The following GSN variants were observed in gnomAD, a reference collection of about 807,000 sequenced individuals.
The protein encoded by GSN is actin-depolymerizing factor.
GSN carries 56 observed loss-of-function variants against 85.7 expected under a neutral mutation model. That is an observed-to-expected ratio of 0.65 (90% confidence interval 0.53 to 0.82). The LOEUF is 0.82. Ranked by LOEUF, GSN falls within the 40% of genes least tolerant of loss-of-function variation. The pLI, the probability that GSN is intolerant of heterozygous loss-of-function variation, is 0.00. For synonymous variants in GSN, 373 were observed against 399.1 expected, an observed-to-expected ratio of 0.93 and a Z score of 0.78; for missense variants, 857 against 979.8, an observed-to-expected ratio of 0.87 and a Z score of 1.67.
rs1368917811 is a variant in GSN at position 121,314,013 on chromosome 9, A to T, written c.743A>T (p.Lys248Met). The change falls in exon 7 of 18, where the codon AAG (lysine) becomes ATG (methionine). Residue 248 changes from lysine (K) to methionine (M), a missense_variant. By Grantham distance (95) the Lys-to-Met change is moderately conservative. Coordinates refer to ENST00000432226, the MANE Select transcript of GSN (RefSeq NM_198252.3). ...GATGCGGCCAACCGCAAGCTGGCCA[A>T]GCTCTACAAGGTGAGCACCAGATGC... Reference protein sequence around the residue: ...KEDAANRKLAKLYKVSNGAGT... With the variant: ...KEDAANRKLAMLYKVSNGAGT... The T allele has an allele frequency of 1.9e-6, 3 of 1,613,460 alleles. No homozygotes were observed. The highest frequency in any genetic ancestry group is 8.5e-7 in the Non-Finnish European group (1 of 1,179,336).
At chr9:121,303,105 T>G in intron 4 of GSN, 40 bp downstream of exon 4, 1 of 1,600,228 alleles carries the variant, frequency 6.2e-7, no homozygotes, top group South Asian at 1.1e-5. Context: ...TAGGGACAGA[T>G]GCACCAGTAA....
At position 121,209,295 on chromosome 9, in the gene GSN, G is replaced by A. The variant is rs548117617; in HGVS notation, c.-807-1G>A. 11 of 152,304 alleles carry A rather than the reference G, an allele frequency of 7.2e-5. No homozygotes were observed. Among genetic ancestry groups the A allele is most frequent in the Admixed American group, 5.2e-4 (8 of 15,292 alleles). The allele number at this position is 152,304 out of a possible 1,614,324, so 9.4% of individuals were successfully genotyped here. ...AAATGTACAATCCTTCATCCTTCCA[G>A]GAATGGATAAAGCACGGAGAGGAAC... On this transcript the variant is annotated splice_acceptor_variant, in intron 1 of 24. Coordinates refer to the GSN transcript ENST00000373823. LOFTEE classifies it low-confidence loss of function (5UTR_SPLICE).
intron 5 of GSN, 128 bp downstream of exon 5, chr9:121,310,973 C>A (rs886982832): frequency 8.7e-6 from 7 of 806,828 alleles, no homozygotes; most frequent in African/African-American, 5.1e-5. Context: ...GCATTGTTCA[C>A]GTACAGATAT....
At chr9:121,270,737 A>G (rs2055818495) in intron 1 of GSN, among the ~76,000 whole-genome samples, 1 of 152,172 alleles carries the variant, frequency 6.6e-6, no homozygotes, top group Admixed American at 6.5e-5. Flanking sequence ...ACTTTTAGCC[A>G]TCCAGTGACA....
At position 121,312,439 on chromosome 9, in the gene GSN, C is replaced by A. The variant is rs2133481524; in HGVS notation, c.614C>A (p.Ala205Asp). ...CGGGACAACGAGCGGAGTGGCCGGG[C>A]CCGAGTGCACGTGTCTGAGGAGGGC... ...GIRDNERSGR[A>D]RVHVSEEGTE... Residue 205 changes from alanine to aspartate, a missense_variant, in exon 6 of 18, where the codon GCC (alanine) becomes GAC (aspartate). Coordinates refer to ENST00000432226, the MANE Select transcript of GSN (RefSeq NM_198252.3). The A allele has an allele frequency of 6.2e-7, 1 of 1,614,094 alleles. No homozygotes were observed. The highest frequency in any genetic ancestry group is 1.7e-5 in the Admixed American group (1 of 60,030).
intron 5 of GSN, among the ~76,000 whole-genome samples, chr9:121,233,918 C>G (rs1455321089): frequency 2.6e-5 from 4 of 152,164 alleles, no homozygotes; most frequent in Non-Finnish European, 5.9e-5. Flanking sequence ...CAACAGAAAA[C>G]CCCAGACAAT....
Position 121,269,996 on chromosome 9 carries a change from C to T in GSN, c.-103+1777C>T, listed in dbSNP as rs1473300665. ...GATGCTTGCCATCTATACTGTTTGA[C>T]ACTTTTGTGCCATATTAAGAGTGAC... On this transcript the variant is annotated intron_variant, in intron 1 of 17. Transcript: ENST00000432226. 2.6e-5 allele frequency among the ~76,000 whole-genome samples: 4 copies of T among 152,190 alleles called. No individual in the cohort carries two copies. In the East Asian group the frequency reaches 7.7e-4, roughly 29 times the overall value.
At chr9:121,208,714 G>A (rs1403422008) in intron 1 of GSN, among the ~76,000 whole-genome samples, 1 of 152,238 alleles carries the variant, frequency 6.6e-6, no homozygotes, top group Non-Finnish European at 1.5e-5. Context: ...GTCACACCTA[G>A]CTGAAAGGGA....
chr9:121,304,856 G>A, intron 4 of GSN, among the ~76,000 whole-genome samples: 1 of 152,214 alleles, frequency 6.6e-6, no homozygotes, highest in African/African-American at 2.4e-5. Context: ...CCCAAGTGAA[G>A]AAGGTGGGTC....
rs576489305 is a variant in GSN, at chr9:121,276,048, A to G, written c.-102-5422A>G. ...TTGGGTCTACTGAATCCAAATCTGGATTTTCACAAGATCCCCATGGAATTC... is the reference window on the plus strand; with the variant it reads ...TTGGGTCTACTGAATCCAAATCTGGGTTTTCACAAGATCCCCATGGAATTC... On this transcript the variant is annotated intron_variant, in intron 1 of 17. Coordinates refer to ENST00000432226, the MANE Select transcript of GSN (RefSeq NM_198252.3). Among the ~76,000 whole-genome samples, 23 of 152,286 alleles carry G rather than the reference A, an allele frequency of 1.5e-4. No homozygotes were observed. The South Asian group carries it at 4.8e-3, about 32-fold the overall frequency.
intron 5 of GSN, chr9:121,311,159 C>T (rs2061088652): frequency 2.4e-6 from 1 of 415,358 alleles, no homozygotes. Flanking sequence ...GGCTTTTGCC[C>T]ACCAGGTGTG....
chr9:121,244,655 A>G (rs2054665365), intron 5 of GSN, among the ~76,000 whole-genome samples: 1 of 152,240 alleles, frequency 6.6e-6, no homozygotes, highest in South Asian at 2.1e-4. Context: ...TCTATTTGTA[A>G]TAGCAAGAAA....
At chr9:121,243,698 C>T (rs1305856590) in intron 5 of GSN, among the ~76,000 whole-genome samples, 2 of 152,166 alleles carry the variant, frequency 1.3e-5, no homozygotes, top group Non-Finnish European at 2.9e-5. Context: ...CTGCCTCAGC[C>T]TCCCGAGTAG....
At position 121,299,733 on chromosome 9, in the gene GSN, A is replaced by G. The variant is rs2059584076; in HGVS notation, c.-9-2230A>G. The G allele has an allele frequency of 9.2e-7, 1 of 1,087,496 alleles. No individual in the cohort carries two copies. Among genetic ancestry groups the G allele is most frequent in the Non-Finnish European group, 1.1e-6 (1 of 869,610 alleles). The allele number at this position is 1,087,496 out of a possible 1,614,324, so 67.4% of individuals were successfully genotyped here. A position where few individuals can be genotyped will look rare whatever the true frequency, so the allele number is the denominator to read the frequency against. On this transcript the variant is annotated intron_variant, in intron 2 of 17. Coordinates refer to ENST00000432226, the MANE Select transcript of GSN (RefSeq NM_198252.3). This position sits in a 1 kb window ranked among gnomAD's most constrained non-coding sequence, Gnocchi z 4.2. ...GGAACCCAGATGTCTCCAAGATCCG[A>G]GACAGATCCCCGCCCCGCGCCCTCC...
chr9:121,209,334 A>G (rs10739592), exon 2 of GSN: 61,312 of 151,648 alleles, frequency 0.4, 13,882 homozygotes, highest in East Asian at 0.61. Context: ...GAATGTGCTC[A>G]GAAAAAAATC....
In GSN at chr9:121,332,684, A is replaced by T; in HGVS notation, c.*81A>T. On this transcript the variant is annotated 3_prime_UTR_variant, in exon 18 of 18. Transcript: ENST00000432226. The surrounding 1 kb of genome is among the most constrained non-coding windows in gnomAD (Gnocchi z 4.8). ...CTCAAAGAGGCCTTAGAGCGAGCAG[A>T]GCAGCTCTGCTATGAGTGTGTGTGT... 1 of 1,072,936 alleles carries T rather than the reference A, an allele frequency of 9.3e-7. No individual in the cohort carries two copies. The highest frequency in any genetic ancestry group is 1.4e-6 in the Non-Finnish European group (1 of 712,766). 66.5% of individuals were successfully genotyped at this position (1,072,936 alleles called of 1,614,324 possible). A position where few individuals can be genotyped will look rare whatever the true frequency, so the allele number is the denominator to read the frequency against.
At chr9:121,326,380 G>T in intron 12 of GSN, 132 bp from the exon 13 acceptor site, 1 of 767,996 alleles carries the variant, frequency 1.3e-6, no homozygotes, top group Non-Finnish European at 2.2e-6. Context: ...CCTGTGTGTT[G>T]TCGGGTCACA....
At chr9:121,300,742 C>T (rs2059748422) in intron 2 of GSN, among the ~76,000 whole-genome samples, 1 of 152,180 alleles carries the variant, frequency 6.6e-6, no homozygotes, top group African/African-American at 2.4e-5. Flanking sequence ...ATCCTCTTCT[C>T]CTCTTCCAAG....
At chr9:121,312,524 A>C (rs575963113) in intron 6 of GSN, 36 bp downstream of exon 6, 1 of 1,563,302 alleles carries the variant, frequency 6.4e-7, no homozygotes, top group Non-Finnish European at 8.7e-7. Context: ...GGCCATGGGG[A>C]CACGCTGCTC....
Sources: gnomAD v4.1 joint callset for allele counts (sites outside exome capture counted in the v4.1 genomes callset) on GRCh38, gnomAD v4.1.1 for gene constraint, Gnocchi (gnomAD v3.1) non-coding constraint, MANE v1.5 for transcripts, NCBI Gene and HGNC (gene_info 2026-07-23, HGNC 2026-07-21) for gene names.